The following DNAI4 variants were observed in gnomAD, a reference collection of about 807,000 sequenced individuals.
DNAI4 encodes WD repeat domain 78.
In DNAI4, 85 loss-of-function variants were observed where a neutral mutation model predicts 105.8. The observed-to-expected ratio is 0.80, with a 90% CI of 0.67 to 0.96. DNAI4 has a LOEUF of 0.96. DNAI4 is among the 40% of genes least tolerant of loss of function. The pLI is 0.00. For synonymous variants in DNAI4, 352 were observed against 331.5 expected, an observed-to-expected ratio of 1.06 and a Z score of -0.67; for missense variants, 1,014 against 1,005.6, an observed-to-expected ratio of 1.01 and a Z score of -0.11.
chr1:66,840,125 G>A (rs1034320829), intron 9 of DNAI4, among the ~76,000 whole-genome samples: 1 of 152,060 alleles, frequency 6.6e-6, no homozygotes, highest in Non-Finnish European at 1.5e-5. Flanking sequence ...GGGCTCATCA[G>A]TTTTGGTATA....
At chr1:66,825,748 G>C (rs997684181) in intron 15 of DNAI4, among the ~76,000 whole-genome samples, 1 of 152,128 alleles carries the variant, frequency 6.6e-6, no homozygotes, top group African/African-American at 2.4e-5. Flanking sequence ...TGTAATCCTT[G>C]ATTTGTAATC....
At chr1:66,824,978 G>C (rs181993151) in intron 15 of DNAI4, among the ~76,000 whole-genome samples, 2 of 152,058 alleles carry the variant, frequency 1.3e-5, no homozygotes. Flanking sequence ...ATTCCAGCCC[G>C]CCAGCCTGCA....
intron 7 of DNAI4, among the ~76,000 whole-genome samples, chr1:66,859,396 G>T (rs774958115): frequency 7.2e-5 from 11 of 152,074 alleles, no homozygotes; most frequent in Non-Finnish European, 1.5e-4. Flanking sequence ...TGGTAGTTTC[G>T]TAAAAGGCTA....
At chr1:66,847,844 T>G (rs545686913) in intron 7 of DNAI4, 166 bp from the exon 8 acceptor site, 1 of 579,130 alleles carries the variant, frequency 1.7e-6, no homozygotes, top group African/African-American at 1.9e-5. Flanking sequence ...ACATGAAAGA[T>G]GCACATATCT....
chr1:66,917,835 C>T (rs895940448), intron 1 of DNAI4, among the ~76,000 whole-genome samples: 1 of 152,068 alleles, frequency 6.6e-6, no homozygotes, highest in Non-Finnish European at 1.5e-5. Flanking sequence ...GTTATTTTAC[C>T]AAGGCTTTGA....
In DNAI4 at chr1:66,822,459, AGAGAATGGTT is replaced by A. The variant is rs1645651068; in HGVS notation, c.2388_2397del (p.Thr797LeufsTer10). The A allele has an allele frequency of 6.2e-7, 1 of 1,613,244 alleles. No individual in the cohort carries two copies. Among genetic ancestry groups the A allele is most frequent in the Admixed American group, 1.7e-5 (1 of 59,848 alleles). The stretch of plus-strand genomic sequence containing the variant: ...AGAAGGCAATCTGTTTGTTTGGCAA[AGAGAATGGTT>A]GTGAACTTGATTCCAGGGTTAGCAG... On this transcript the variant is annotated frameshift_variant, in exon 16 of 17. Coordinates refer to ENST00000371026, the MANE Select transcript of DNAI4 (RefSeq NM_024763.5). LOFTEE classifies it high-confidence loss of function.
intron 12 of DNAI4, 43 bp downstream of exon 12, chr1:66,833,948 T>C: frequency 6.5e-7 from 1 of 1,547,058 alleles, no homozygotes; most frequent in East Asian, 2.3e-5. Context: ...AAAATTTTAA[T>C]TCAGCACGTA....
chr1:66,886,327 A>G (rs1482714315), intron 4 of DNAI4, among the ~76,000 whole-genome samples: 1 of 152,184 alleles, frequency 6.6e-6, no homozygotes, highest in Non-Finnish European at 1.5e-5. Context: ...GTATCATAAC[A>G]GCCTGGGTTT....
At chr1:66,846,378 G>C (rs1646275100) in intron 8 of DNAI4, among the ~76,000 whole-genome samples, 1 of 152,074 alleles carries the variant, frequency 6.6e-6, no homozygotes, top group African/African-American at 2.4e-5. Flanking sequence ...ATTTTGACTT[G>C]AAGAATCAAG....
chr1:66,836,188 GAA>G (rs1557908071), intron 10 of DNAI4, among the ~76,000 whole-genome samples: 2 of 61,396 alleles, frequency 3.3e-5, no homozygotes, highest in Non-Finnish European at 7.6e-5. Context: ...AAGAAAGAAA[GAA>G]AGAAAGAAAG....
At chr1:66,862,472 C>G (rs1646648690) in intron 6 of DNAI4, among the ~76,000 whole-genome samples, 170 bp from the exon 7 acceptor site, 1 of 152,076 alleles carries the variant, frequency 6.6e-6, no homozygotes, top group Non-Finnish European at 1.5e-5. Flanking sequence ...CACTTGAGGC[C>G]AGGAGTTAGA....
intron 4 of DNAI4, among the ~76,000 whole-genome samples, chr1:66,888,564 GCGCCTGTATT>G: frequency 6.6e-6 from 1 of 152,256 alleles, no homozygotes; most frequent in East Asian, 1.9e-4. Flanking sequence ...ATGGTGGCAA[GCGCCTGTATT>G]CCCAGCTATT....
At chr1:66,913,813 T>C (rs1649846899) in intron 1 of DNAI4, among the ~76,000 whole-genome samples, 1 of 151,842 alleles carries the variant, frequency 6.6e-6, no homozygotes, top group South Asian at 2.1e-4. Flanking sequence ...AAACCCCATC[T>C]CTACTAAAAA....
intron 7 of DNAI4, among the ~76,000 whole-genome samples, chr1:66,858,527 C>T (rs1468161312): frequency 8.7e-5 from 7 of 80,846 alleles, no homozygotes; most frequent in Non-Finnish European, 1.4e-4. Flanking sequence ...AGCAAGACTC[C>T]GTCTCAAAAA....
chr1:66,840,727 A>G, intron 8 of DNAI4, 56 bp from the exon 9 acceptor site: 2 of 1,574,594 alleles, frequency 1.3e-6, no homozygotes, highest in South Asian at 1.1e-5. Flanking sequence ...GGGACCTGCC[A>G]AAGGCTCCAA....
intron 8 of DNAI4, among the ~76,000 whole-genome samples, chr1:66,846,889 A>C (rs1220331356): frequency 6.6e-6 from 1 of 152,220 alleles, no homozygotes; most frequent in South Asian, 2.1e-4. Flanking sequence ...AAAATCCTTT[A>C]AAATATTCTG....
At chr1:66,887,747 C>T (rs914993606) in intron 4 of DNAI4, among the ~76,000 whole-genome samples, 1 of 151,842 alleles carries the variant, frequency 6.6e-6, no homozygotes, top group Non-Finnish European at 1.5e-5. Context: ...GCCAAGGCGG[C>T]GGATCACTCG....
intron 4 of DNAI4, among the ~76,000 whole-genome samples, chr1:66,879,728 T>C (rs1647028584): frequency 6.6e-6 from 1 of 152,234 alleles, no homozygotes; most frequent in Non-Finnish European, 1.5e-5. Flanking sequence ...TTTAAATGCA[T>C]ATGTAGTACT....
intron 1 of DNAI4, among the ~76,000 whole-genome samples, chr1:66,920,633 C>T (rs1650408685): frequency 6.6e-6 from 1 of 152,170 alleles, no homozygotes; most frequent in South Asian, 2.1e-4. Flanking sequence ...CTCCACCTCC[C>T]TCAAGGGGTG....
Sources: allele counts gnomAD v4.1 joint callset (sites outside exome capture counted in the v4.1 genomes callset), GRCh38; gene constraint gnomAD v4.1.1; transcripts MANE v1.5; gene names NCBI Gene and HGNC (gene_info 2026-07-23, HGNC 2026-07-21).